The following BAHCC1 variants were observed in gnomAD, a reference collection of about 807,000 sequenced individuals.
BAHCC1 encodes BAH domain and coiled-coil containing 1, also known as BAH and coiled-coil domain-containing protein 1.
BAHCC1 carries 43 observed loss-of-function variants against 88.2 expected under a neutral mutation model. That is an observed-to-expected ratio of 0.49 (90% CI 0.38 to 0.63). BAHCC1 has a LOEUF of 0.63. BAHCC1 is among the 20% of genes least tolerant of loss of function. The pLI, the probability that BAHCC1 is intolerant of heterozygous loss-of-function variation, is 0.00. For missense variants in BAHCC1, 3,023 were observed against 1,654.8 expected, an observed-to-expected ratio of 1.83 and a Z score of -14.34; for synonymous variants, 1,510 against 745.5, an observed-to-expected ratio of 2.03 and a Z score of -16.71.
chr17:81,421,704 GC>G (rs1246379218), intron 2 of BAHCC1, among the ~76,000 whole-genome samples: 2 of 152,212 alleles, frequency 1.3e-5, no homozygotes, highest in African/African-American at 2.4e-5. Flanking sequence ...CCGGGCAGAG[GC>G]TCTTCCCCTG....
chr17:81,403,837 C>A (rs971998617), intron 2 of BAHCC1, among the ~76,000 whole-genome samples: 1 of 152,130 alleles, frequency 6.6e-6, no homozygotes. Context: ...CGTGGACCGG[C>A]GGCGGTGGCC....
intron 13 of BAHCC1, 91 bp downstream of exon 13, chr17:81,452,198 GC>G: frequency 1.9e-6 from 1 of 539,384 alleles, no homozygotes. Context: ...GTGGGAACAG[GC>G]CAGGATTGGG....
intron 23 of BAHCC1, 73 bp downstream of exon 23, chr17:81,459,677 C>T (rs782287616): frequency 3.5e-5 from 27 of 764,700 alleles, no homozygotes; most frequent in Non-Finnish European, 6.1e-5. Flanking sequence ...CCCCCAACAG[C>T]CTGGCTTCCG....
At chr17:81,441,592 G>C (rs1441369829) in intron 4 of BAHCC1, among the ~76,000 whole-genome samples, 2 of 151,468 alleles carry the variant, frequency 1.3e-5, no homozygotes, top group Admixed American at 6.6e-5. Flanking sequence ...AACCCGGGAG[G>C]TGGAGCTTGC....
intron 14 of BAHCC1, among the ~76,000 whole-genome samples, chr17:81,454,670 A>G (rs1460767665): frequency 1.3e-5 from 2 of 151,940 alleles, no homozygotes; most frequent in Admixed American, 6.6e-5. Flanking sequence ...CCCCACTCCT[A>G]AGGGTGGTAG....
intron 23 of BAHCC1, among the ~76,000 whole-genome samples, 156 bp from the exon 24 acceptor site, chr17:81,460,121 C>T (rs1425889732): frequency 2.0e-5 from 3 of 152,128 alleles, no homozygotes; most frequent in South Asian, 2.1e-4. Flanking sequence ...GAGGCCCCCG[C>T]TCCTGGGCTG....
intron 4 of BAHCC1, 31 bp downstream of exon 4, chr17:81,438,523 C>T (rs2064369043): frequency 2.7e-6 from 2 of 750,996 alleles, no homozygotes; most frequent in Admixed American, 1.8e-5. Flanking sequence ...GCGTGGGGAG[C>T]AGGCATGCTG....
intron 2 of BAHCC1, among the ~76,000 whole-genome samples, chr17:81,400,368 G>A: frequency 6.6e-6 from 1 of 152,212 alleles, no homozygotes. Flanking sequence ...GCGGATTAGA[G>A]TGGTGTGTGC....
chr17:81,420,025 T>C (rs1424912375), intron 2 of BAHCC1, among the ~76,000 whole-genome samples: 1 of 152,006 alleles, frequency 6.6e-6, no homozygotes, highest in Non-Finnish European at 1.5e-5. Context: ...CACCTGGCCA[T>C]CCGATTGCCC....
chr17:81,441,100 C>T (rs1360615079), intron 4 of BAHCC1, among the ~76,000 whole-genome samples: 1 of 152,192 alleles, frequency 6.6e-6, no homozygotes, highest in Admixed American at 6.5e-5. Context: ...CCCGCGTCCC[C>T]CGAAAATCCC....
chr17:81,440,613 C>T (rs1236797927), intron 4 of BAHCC1, among the ~76,000 whole-genome samples: 5 of 152,206 alleles, frequency 3.3e-5, no homozygotes, highest in South Asian at 2.1e-4. Context: ...TCCCCAGAGG[C>T]GGTGGCCTGG....
At chr17:81,438,850 G>C (rs1254001296) in intron 4 of BAHCC1, among the ~76,000 whole-genome samples, 1 of 152,118 alleles carries the variant, frequency 6.6e-6, no homozygotes, top group Non-Finnish European at 1.5e-5. Context: ...ATGGTGGGGT[G>C]GCTCAGGAGG....
chr17:81,426,977 A>G lies in BAHCC1; in HGVS notation c.356A>G (p.Glu119Gly). Residue 119 changes from glutamate to glycine, a missense_variant and splice_region_variant, in exon 3 of 28, where the codon GAA becomes GGA. Coordinates refer to ENST00000675386, the MANE Select transcript of BAHCC1 (RefSeq NM_001377448.1). ...CAGATCTGGTTCTCCCACTCCCACG[A>G]AGGTAAGTTGGCGGACTGGGCTCCC... ...TSQIWFSHSH[E>G]APGYPRFSGS... The G allele has an allele frequency of 2.5e-6, 1 of 398,168 alleles. No homozygotes were observed. Among genetic ancestry groups the G allele is most frequent in the East Asian group, 3.6e-5 (1 of 28,018 alleles). 24.7% of individuals were successfully genotyped at this position (398,168 alleles called of 1,614,324 possible).
chr17:81,412,995 G>C, intron 2 of BAHCC1: 1 of 296,496 alleles, frequency 3.4e-6, no homozygotes, highest in Non-Finnish European at 7.1e-6. Context: ...CTCACCTTGC[G>C]GGGGCAGTGG....
chr17:81,432,229 C>A (rs2064268705), intron 3 of BAHCC1, among the ~76,000 whole-genome samples: 1 of 152,168 alleles, frequency 6.6e-6, no homozygotes, highest in South Asian at 2.1e-4. Flanking sequence ...AGGCTGACAT[C>A]CCTGGATCTG....
Position 81,461,632 on chromosome 17 carries a change from G to T in BAHCC1, c.6969G>T (p.Ser2323=), listed in dbSNP as rs781886623. Residue 2323 remains serine (S), a synonymous_variant, in exon 26 of 28, where the codon TCG becomes TCT. Transcript: ENST00000675386. The part of the protein sequence containing the change: ...RLSVSSSSSG[S]STSSSSGSVS... ...CCGTGTCCTCTTCCTCCTCTGGCTC[G>T]TCCACCTCCTCCTCCTCAGGCTCCG... The T allele has an allele frequency of 1.4e-6, 1 of 738,886 alleles. No homozygotes were observed. The highest frequency in any genetic ancestry group is 2.3e-4 in the Middle Eastern group (1 of 4,404). 45.8% of individuals were successfully genotyped at this position (738,886 alleles called of 1,614,324 possible). A position where few individuals can be genotyped will look rare whatever the true frequency, so the allele number is the denominator to read the frequency against.
intron 2 of BAHCC1, among the ~76,000 whole-genome samples, chr17:81,417,555 A>ACCCCCCCCC (rs58215427): frequency 2.7e-4 from 36 of 131,380 alleles, no homozygotes; most frequent in African/African-American, 6.6e-4. Flanking sequence ...AGCGTCGGCC[A>ACCCCCCCCC]CCCCCCCCCC....
chr17:81,448,661 TGAA>T (rs1206764401), intron 11 of BAHCC1, among the ~76,000 whole-genome samples: 5 of 152,010 alleles, frequency 3.3e-5, no homozygotes, highest in African/African-American at 9.7e-5. Context: ...ACCACCGCGA[TGAA>T]GAGAATGTTC....
At position 81,399,833 on chromosome 17, in the gene BAHCC1, C is replaced by G. The variant is rs782580877; in HGVS notation, c.94C>G (p.Pro32Ala). The change falls in exon 2 of 28, where the codon CCG becomes GCG. Residue 32 changes from proline (P) to alanine (A), a missense_variant. Pro to Ala is a conservative substitution (Grantham distance 27). Coordinates refer to ENST00000675386, the MANE Select transcript of BAHCC1 (RefSeq NM_001377448.1). The surrounding 1 kb of genome is among the most constrained non-coding windows in gnomAD (Gnocchi z 4.5). ...RSAAAAARLA[P>A]AGPAAQPPAH... ...CGCCGCTGCCGCCGCGCGTCTCGCC[C>G]CGGCTGGGCCCGCCGCGCAGCCCCC... The G allele has an allele frequency of 1.5e-6, 2 of 1,347,072 alleles. No homozygotes were observed. Among genetic ancestry groups the G allele is most frequent in the Non-Finnish European group, 9.5e-7 (1 of 1,049,858 alleles). The allele number at this position is 1,347,072 out of a possible 1,614,324, so 83.4% of individuals were successfully genotyped here.
Sources: gnomAD v4.1 joint callset for allele counts (sites outside exome capture counted in the v4.1 genomes callset) on GRCh38, gnomAD v4.1.1 for gene constraint, Gnocchi (gnomAD v3.1) non-coding constraint, MANE v1.5 for transcripts, NCBI Gene and HGNC (gene_info 2026-07-23, HGNC 2026-07-21) for gene names.